Variants in NEO1 observed in about 807,000 individuals in gnomAD.
NEO1 encodes the protein neogenin.
In NEO1, 63 loss-of-function variants were observed where a neutral mutation model predicts 159.7. That is an observed-to-expected ratio of 0.39 (90% CI 0.32 to 0.49). NEO1 has a LOEUF of 0.49. Among genes scored for constraint, NEO1 ranks in the 20% least tolerant of loss-of-function variants. The pLI is 0.85. For synonymous variants in NEO1, 633 were observed against 662.0 expected, an observed-to-expected ratio of 0.96 and a Z score of 0.67; for missense variants, 1,615 against 1,831.0, an observed-to-expected ratio of 0.88 and a Z score of 2.15.
intron 7 of NEO1, among the ~76,000 whole-genome samples, chr15:73,232,924 T>C (rs1003056234): frequency 2.0e-5 from 3 of 152,186 alleles, no homozygotes; most frequent in Non-Finnish European, 2.9e-5. Context: ...CCTCAGACAC[T>C]GTTTGTGTGT....
At chr15:73,184,012 A>G (rs1001792742) in intron 7 of NEO1, among the ~76,000 whole-genome samples, 1 of 152,206 alleles carries the variant, frequency 6.6e-6, no homozygotes, top group Admixed American at 6.5e-5. Flanking sequence ...AAAAATTAAT[A>G]GACTTTAATA....
intron 1 of NEO1, among the ~76,000 whole-genome samples, chr15:73,095,662 A>G (rs2069979294): frequency 7.9e-6 from 1 of 126,042 alleles, no homozygotes; most frequent in South Asian, 2.5e-4. Flanking sequence ...ATGACCAATT[A>G]GTCTTTATTT....
At chr15:73,240,047 G>A (rs1209986134) in intron 8 of NEO1, among the ~76,000 whole-genome samples, 1 of 152,100 alleles carries the variant, frequency 6.6e-6, no homozygotes, top group African/African-American at 2.4e-5. Context: ...GCCATGCACA[G>A]GACAGTCCCA....
chr15:73,094,939 G>A (rs190571934), intron 1 of NEO1, among the ~76,000 whole-genome samples: 5 of 152,218 alleles, frequency 3.3e-5, no homozygotes, highest in Non-Finnish European at 5.9e-5. Flanking sequence ...GGCTGGGCAC[G>A]GTGGCTCACA....
At chr15:73,110,982 G>A (rs1315782381) in intron 1 of NEO1, among the ~76,000 whole-genome samples, 1 of 151,706 alleles carries the variant, frequency 6.6e-6, no homozygotes, top group Non-Finnish European at 1.5e-5. Context: ...CAAAATTTTT[G>A]TTACTGAAAA....
intron 2 of NEO1, among the ~76,000 whole-genome samples, chr15:73,118,197 AG>A (rs1303403017): frequency 2.0e-5 from 3 of 152,014 alleles, no homozygotes; most frequent in Admixed American, 2.0e-4. Context: ...CTCCTTCCCG[AG>A]GCTACTCCCA....
chr15:73,254,879 A>G (rs2040263679), intron 13 of NEO1, 50 bp downstream of exon 13: 2 of 1,575,622 alleles, frequency 1.3e-6, no homozygotes, highest in Non-Finnish European at 1.7e-6. Flanking sequence ...TTTCTCAGAT[A>G]TTGAATTATG....
chr15:73,280,438 C>T (rs552246233), intron 22 of NEO1, among the ~76,000 whole-genome samples: 14 of 152,286 alleles, frequency 9.2e-5, no homozygotes, highest in African/African-American at 1.7e-4. Flanking sequence ...AGGTCAGATG[C>T]GAGTAAATGA....
rs1275841884 is a variant in NEO1 at position 73,244,331 on chromosome 15, C to T, written c.1452-13C>T. 5.0e-6 allele frequency: 8 copies of T among 1,608,724 alleles called. No homozygotes were observed. The Middle Eastern group carries it at 5.0e-4, about 100-fold the overall frequency. On this transcript the variant is annotated splice_polypyrimidine_tract_variant and intron_variant, in intron 8 of 28. Transcript: ENST00000261908. ...TAATTAATGCTATCTCTCTCCAAATCCTTTGTCTAAAGGGAACGTGTTGAG... is the reference window on the plus strand; with the variant it reads ...TAATTAATGCTATCTCTCTCCAAATTCTTTGTCTAAAGGGAACGTGTTGAG...
chr15:73,301,107 G>T (rs935693072), intron 27 of NEO1, among the ~76,000 whole-genome samples: 1 of 152,180 alleles, frequency 6.6e-6, no homozygotes, highest in Non-Finnish European at 1.5e-5. Flanking sequence ...CTAGGATATT[G>T]GTTTTCTAGA....
At chr15:73,209,235 A>G (rs1270563427) in intron 7 of NEO1, among the ~76,000 whole-genome samples, 4 of 152,208 alleles carry the variant, frequency 2.6e-5, no homozygotes, top group Non-Finnish European at 5.9e-5. Context: ...GAGAGACACC[A>G]TTGGGAACAA....
intron 5 of NEO1, among the ~76,000 whole-genome samples, chr15:73,142,751 G>C (rs78831174): frequency 0.017 from 2,560 of 152,260 alleles, 58 homozygotes; most frequent in East Asian, 0.049. Context: ...TCAAGAGTGC[G>C]TCAGATCTGC....
At chr15:73,223,669 C>T (rs1372846788) in intron 7 of NEO1, among the ~76,000 whole-genome samples, 1 of 152,060 alleles carries the variant, frequency 6.6e-6, no homozygotes, top group East Asian at 1.9e-4. Flanking sequence ...CATATGAGTC[C>T]TTATGTGTCA....
chr15:73,274,626 C>T, intron 20 of NEO1, 66 bp from the exon 21 acceptor site: 5 of 1,525,998 alleles, frequency 3.3e-6, no homozygotes, highest in Non-Finnish European at 4.5e-6. Context: ...AAAGTTCTGC[C>T]TGTCCCATCT....
intron 16 of NEO1, among the ~76,000 whole-genome samples, chr15:73,268,943 C>T (rs2041042544): frequency 6.6e-6 from 1 of 152,176 alleles, no homozygotes; most frequent in South Asian, 2.1e-4. Flanking sequence ...CATGGCATTT[C>T]CGTTAACTGA....
chr15:73,242,040 C>T (rs961711585), intron 8 of NEO1, among the ~76,000 whole-genome samples: 6 of 152,162 alleles, frequency 3.9e-5, no homozygotes, highest in Non-Finnish European at 7.3e-5. Context: ...CATTCTGCTA[C>T]GTGCTTCTGT....
chr15:73,143,524 C>T lies in NEO1; in HGVS notation c.1015+7497C>T, dbSNP rs140525361. The T allele has an allele frequency of 4.8e-4, 73 of 152,820 alleles. No homozygotes were observed. In the East Asian group the frequency reaches 0.012, roughly 25 times the overall value. The allele number at this position is 152,820 out of a possible 1,614,324, so 9.5% of individuals were successfully genotyped here. A position where few individuals can be genotyped will look rare whatever the true frequency, so the allele number is the denominator to read the frequency against. ...ATCTCCACCTTCGCTCCCAGGACAT[C>T]GGCGGATGCCGGTGGGCAGGCAGTG... On this transcript the variant is annotated intron_variant, in intron 5 of 28. Transcript: ENST00000261908.
At chr15:73,089,604 T>C (rs2151434431) in intron 1 of NEO1, among the ~76,000 whole-genome samples, 1 of 146,602 alleles carries the variant, frequency 6.8e-6, no homozygotes, top group East Asian at 2.0e-4. Context: ...CTTACACCAT[T>C]TTTTTTTTTT....
In NEO1 at chr15:73,257,540, G is replaced by A. The variant is rs183315427; in HGVS notation, c.2093-1226G>A. ...AACTTGAAGCCTGATAAGTATTAGG[G>A]AGCAGTATGGATCACCAAGATCCTT... On this transcript the variant is annotated intron_variant, in intron 13 of 28. Coordinates refer to ENST00000261908, the MANE Select transcript of NEO1 (RefSeq NM_002499.4). Among the ~76,000 whole-genome samples the A allele has an allele frequency of 6.6e-4, 101 of 152,254 alleles. No homozygotes were observed. The Middle Eastern group carries it at 0.01, about 15-fold the overall frequency.
Sources: allele counts gnomAD v4.1 joint callset (sites outside exome capture counted in the v4.1 genomes callset), GRCh38; gene constraint gnomAD v4.1.1; transcripts MANE v1.5; gene names NCBI Gene and HGNC (gene_info 2026-07-23, HGNC 2026-07-21).